TCF4: variants seen among roughly 807,000 people sequenced by gnomAD.
TCF4 encodes the protein transcription factor 4.
TCF4 carries 3 observed loss-of-function variants against 82.1 expected under a neutral mutation model. The ratio of observed to expected loss-of-function variants is 0.04; its 90% confidence interval spans 0.02 to 0.09. The LOEUF is 0.09. Ranked by LOEUF, TCF4 falls within the 10% of genes least tolerant of loss-of-function variation. The pLI, the probability that TCF4 is intolerant of heterozygous loss-of-function variation, is 1.00. For synonymous variants in TCF4, 276 were observed against 309.6 expected (o/e 0.89, Z 1.14); for missense variants, 518 against 852.7 (o/e 0.61, Z 4.89).
intron 6 of TCF4, among the ~76,000 whole-genome samples, chr18:55,373,569 T>C (rs1342472771): frequency 1.3e-5 from 2 of 151,924 alleles, no homozygotes; most frequent in Non-Finnish European, 2.9e-5. Flanking sequence ...TCCCAGCAGT[T>C]TGGGAGGCTG....
intron 8 of TCF4, among the ~76,000 whole-genome samples, chr18:55,341,428 A>G (rs2079937529): frequency 6.6e-6 from 1 of 152,338 alleles, no homozygotes; most frequent in East Asian, 1.9e-4. Context: ...CTGGCATGGA[A>G]TAAGTACTTT....
At chr18:55,271,889 G>C (rs1490380919) in intron 10 of TCF4, among the ~76,000 whole-genome samples, 1 of 152,004 alleles carries the variant, frequency 6.6e-6, no homozygotes, top group African/African-American at 2.4e-5. Context: ...AACAAAAAAA[G>C]AGATGACTAA....
chr18:55,462,153 C>T (rs1413404272), intron 4 of TCF4, among the ~76,000 whole-genome samples: 2 of 152,114 alleles, frequency 1.3e-5, no homozygotes, highest in East Asian at 1.9e-4. Context: ...AAAACTACCC[C>T]GTTCTCAATC....
At position 55,402,060 on chromosome 18, in the gene TCF4, A is replaced by G. The variant is rs1453073563; in HGVS notation, c.369+1394T>C. 3 of 985,328 alleles carry G rather than the reference A, an allele frequency of 3.0e-6. No homozygotes were observed. In the African/African-American group the frequency reaches 5.2e-5, roughly 17 times the overall value. The allele number at this position is 985,328 out of a possible 1,614,324, so 61.0% of individuals were successfully genotyped here. ...GCCCGAACATTTGCACTCACATTCC[A>G]AAGATGTTTCCGTTGCGCTGGAATG... On this transcript the variant is annotated intron_variant, in intron 6 of 19. Transcript: ENST00000354452.
rs186508321 is a variant in TCF4, at chr18:55,254,564, C to A, written c.1283G>T (p.Gly428Val). 1.1e-5 allele frequency: 17 copies of A among 1,613,770 alleles called. No individual in the cohort carries two copies. The highest frequency in any genetic ancestry group is 1.0e-4 in the Admixed American group (6 of 59,966). ...MHGIIGPSHN[G>V]AMGGLGSGYG... ...CCCTGAGCCCAGACCACCCATGGCT[C>A]CATTATGAGAAGGTCCAATGATTCC... is the stretch of plus-strand genomic sequence containing the variant. The change falls in exon 15 of 20, where the codon GGA becomes GTA. Residue 428 changes from glycine (G) to valine (V), a missense_variant. Coordinates refer to ENST00000354452, the MANE Select transcript of TCF4 (RefSeq NM_001083962.2).
chr18:55,619,868 A>C (rs2097715925), intron 2 of TCF4, among the ~76,000 whole-genome samples: 1 of 151,970 alleles, frequency 6.6e-6, no homozygotes, highest in African/African-American at 2.4e-5. Flanking sequence ...TGGTTACATC[A>C]TTTGGAAACT....
intron 15 of TCF4, among the ~76,000 whole-genome samples, chr18:55,251,747 T>C (rs552128302): frequency 1.3e-5 from 2 of 152,250 alleles, no homozygotes; most frequent in East Asian, 1.9e-4. Flanking sequence ...AGGTGTGTAG[T>C]TGGGAATGAG....
chr18:55,435,109 T>C (rs766802346), intron 5 of TCF4, among the ~76,000 whole-genome samples: 4 of 152,238 alleles, frequency 2.6e-5, no homozygotes, highest in Non-Finnish European at 5.9e-5. Context: ...TCTTAAGTTC[T>C]ACTCTGGTGA....
At chr18:55,328,768 G>A (rs913300830) in intron 8 of TCF4, among the ~76,000 whole-genome samples, 1 of 152,160 alleles carries the variant, frequency 6.6e-6, no homozygotes, top group Non-Finnish European at 1.5e-5. Flanking sequence ...AGCACAGGAT[G>A]TTCTCAATTT....
At chr18:55,495,312 A>G (rs1228397406) in intron 3 of TCF4, among the ~76,000 whole-genome samples, 1 of 137,374 alleles carries the variant, frequency 7.3e-6, no homozygotes, top group Non-Finnish European at 1.7e-5. Context: ...GTATTTGGGA[A>G]AAAAAAAAAA....
intron 15 of TCF4, among the ~76,000 whole-genome samples, chr18:55,246,954 G>GA (rs2053451813): frequency 6.6e-6 from 1 of 152,122 alleles, no homozygotes; most frequent in Admixed American, 6.5e-5. Context: ...AAATAGTTTT[G>GA]AAAGTGCTCT....
chr18:55,395,496 G>A (rs2093433784), intron 6 of TCF4, among the ~76,000 whole-genome samples: 1 of 152,100 alleles, frequency 6.6e-6, no homozygotes, highest in East Asian at 1.9e-4. Context: ...AATTTCAATG[G>A]CTTTTTATGC....
intron 6 of TCF4, among the ~76,000 whole-genome samples, chr18:55,398,940 A>G (rs1243896921): frequency 1.3e-5 from 2 of 152,226 alleles, no homozygotes; most frequent in African/African-American, 4.8e-5. Context: ...GCTTCCCAGG[A>G]AGGATGCATA....
At chr18:55,325,861 A>G (rs2076468012) in intron 8 of TCF4, among the ~76,000 whole-genome samples, 1 of 152,252 alleles carries the variant, frequency 6.6e-6, no homozygotes, top group Non-Finnish European at 1.5e-5. Flanking sequence ...TAGTGTGAAC[A>G]AGCCAGCCTA....
chr18:55,300,097 TATAC>T (rs1420183410), intron 8 of TCF4, among the ~76,000 whole-genome samples: 2 of 145,388 alleles, frequency 1.4e-5, no homozygotes, highest in African/African-American at 2.6e-5. Flanking sequence ...CACATACAGA[TATAC>T]ACACACACAC....
chr18:55,297,275 G>A (rs1321038614), intron 8 of TCF4, among the ~76,000 whole-genome samples: 1 of 127,968 alleles, frequency 7.8e-6, no homozygotes, highest in African/African-American at 3.5e-5. Flanking sequence ...TTCCTCAAAG[G>A]TTCAAATTTT....
rs369444573 is a variant in TCF4 at position 55,223,709 on chromosome 18, CTTTTTT to C, written c.*4320_*4325del. 28 of 106,466 alleles carry C rather than the reference CTTTTTT, an allele frequency of 2.6e-4. No individual in the cohort carries two copies. Among genetic ancestry groups the C allele is most frequent in the Middle Eastern group, 5.4e-3 (1 of 186 alleles). 6.6% of individuals were successfully genotyped at this position (106,466 alleles called of 1,614,324 possible). ...TTTTTTTTTTTTTGAAATGTTTTCCCTTTTTTTTTTTTTAACAATTTTTTTAAGTTT... is the reference window on the plus strand; with the variant it reads ...TTTTTTTTTTTTTGAAATGTTTTCCCTTTTTTTAACAATTTTTTTAAGTTT... On this transcript the variant is annotated 3_prime_UTR_variant, in exon 20 of 20. Transcript: ENST00000354452.
At chr18:55,256,491 G>A (rs1447999395) in intron 14 of TCF4, among the ~76,000 whole-genome samples, 6 of 152,118 alleles carry the variant, frequency 3.9e-5, no homozygotes, top group Admixed American at 1.3e-4. Flanking sequence ...CAGCAAAGGA[G>A]GGAAATCCAC....
chr18:55,434,157 G>C (rs2095270554), intron 5 of TCF4, among the ~76,000 whole-genome samples: 1 of 152,064 alleles, frequency 6.6e-6, no homozygotes, highest in South Asian at 2.1e-4. Context: ...TTCTCCTTTT[G>C]CTTCTATGCA....
Sources: allele counts gnomAD v4.1 joint callset (sites outside exome capture counted in the v4.1 genomes callset), GRCh38; gene constraint gnomAD v4.1.1; transcripts MANE v1.5; gene names NCBI Gene and HGNC (gene_info 2026-07-23, HGNC 2026-07-21).